DLGAP2: variants seen among roughly 807,000 people sequenced by gnomAD.
DLGAP2 encodes disks large-associated protein 2.
In DLGAP2, 26 loss-of-function variants were observed where a neutral mutation model predicts 100.3. The observed-to-expected ratio is 0.26, with a 90% confidence interval of 0.19 to 0.36. The LOEUF is 0.36. Ranked by LOEUF, DLGAP2 falls within the 10% of genes least tolerant of loss-of-function variation. The pLI is 1.00. For missense variants in DLGAP2, 1,858 were observed against 1,453.2 expected, an observed-to-expected ratio of 1.28 and a Z score of -4.53; for synonymous variants, 886 against 630.1, an observed-to-expected ratio of 1.41 and a Z score of -6.08.
intron 6 of DLGAP2, among the ~76,000 whole-genome samples, chr8:1,617,582 G>T (rs1584999463): frequency 6.6e-6 from 1 of 152,240 alleles, no homozygotes; most frequent in East Asian, 1.9e-4. Context: ...TTGCAAATTT[G>T]TTTAAGTTCC....
chr8:978,725 C>T (rs897914960), intron 2 of DLGAP2, among the ~76,000 whole-genome samples: 90 of 152,120 alleles, frequency 5.9e-4, no homozygotes, highest in Middle Eastern at 3.4e-3. Flanking sequence ...CTTTGCCACG[C>T]GGGCATGTGT....
In DLGAP2 at chr8:1,239,370, G is replaced by A. The variant is rs1483553890; in HGVS notation, c.74-19481G>A. 3.1e-4 allele frequency among the ~76,000 whole-genome samples: 7 copies of A among 22,578 alleles called. 1 individual carries two copies. Among genetic ancestry groups the A allele is most frequent in the Admixed American group, 9.0e-4 (2 of 2,216 alleles). The allele number at this position is 22,578 out of a possible 152,430, so 14.8% of individuals were successfully genotyped here. ...GTGTCTAGTTCTCTCACATGGCGCC[G>A]TGTCTAGTTCTCTCACGTGGTGCCG... On this transcript the variant is annotated intron_variant, in intron 2 of 14. Coordinates refer to ENST00000637795, the MANE Select transcript of DLGAP2 (RefSeq NM_001346810.2).
At position 1,229,861 on chromosome 8, in the gene DLGAP2, A is replaced by T. The variant is rs189140888; in HGVS notation, c.74-28990A>T. ...CCCTCCAGAAACTAGGCATCAAAGG[A>T]ACATACCTCAAAATAATAAGTGCCA... On this transcript the variant is annotated intron_variant, in intron 2 of 14. Coordinates refer to ENST00000637795, the MANE Select transcript of DLGAP2 (RefSeq NM_001346810.2). Among the ~76,000 whole-genome samples the T allele has an allele frequency of 1.0e-3, 157 of 152,264 alleles. 1 individual carries two copies. Among genetic ancestry groups the T allele is most frequent in the Non-Finnish European group, 1.7e-3 (113 of 68,016 alleles).
chr8:1,359,995 C>G (rs1801943296), intron 3 of DLGAP2, among the ~76,000 whole-genome samples: 1 of 152,180 alleles, frequency 6.6e-6, no homozygotes, highest in Non-Finnish European at 1.5e-5. Flanking sequence ...CTCAGCATCG[C>G]CGGTGTTTCA....
intron 3 of DLGAP2, among the ~76,000 whole-genome samples, chr8:1,461,651 A>G (rs1235679035): frequency 3.7e-4 from 14 of 37,750 alleles, no homozygotes; most frequent in Middle Eastern, 0.017. Flanking sequence ...GAAGGGCGGC[A>G]TTTGGGTTGG....
chr8:1,700,908 C>A (rs571684960), intron 14 of DLGAP2, among the ~76,000 whole-genome samples: 1 of 152,230 alleles, frequency 6.6e-6, no homozygotes, highest in African/African-American at 2.4e-5. Context: ...ACGCAAGGTG[C>A]GAATCTGCAG....
intron 2 of DLGAP2, among the ~76,000 whole-genome samples, chr8:1,104,178 G>C (rs1804678524): frequency 6.6e-6 from 1 of 152,198 alleles, no homozygotes; most frequent in African/African-American, 2.4e-5. Flanking sequence ...TGATTCAGGA[G>C]CAAGAACAGC....
chr8:1,668,312 A>T lies in DLGAP2; in HGVS notation c.1811-17A>T, dbSNP rs1441204282. 3 of 1,465,648 alleles carry T rather than the reference A, an allele frequency of 2.0e-6. No individual in the cohort carries two copies. Among genetic ancestry groups the T allele is most frequent in the Non-Finnish European group, 2.7e-6 (3 of 1,106,738 alleles). 90.8% of individuals were successfully genotyped at this position (1,465,648 alleles called of 1,614,324 possible). On this transcript the variant is annotated splice_polypyrimidine_tract_variant and intron_variant, in intron 8 of 14. Coordinates refer to ENST00000637795, the MANE Select transcript of DLGAP2 (RefSeq NM_001346810.2). ...GGAAGAACACGCCTGTTGACTTGGG[A>T]CTTTCTTTTCTTACAGCTGTCTCAT...
chr8:946,417 C>G (rs1799323567), intron 2 of DLGAP2, among the ~76,000 whole-genome samples: 1 of 152,040 alleles, frequency 6.6e-6, no homozygotes, highest in South Asian at 2.1e-4. Context: ...GCGCCCGCCA[C>G]CACGCCCGGC....
At chr8:1,619,027 C>G (rs1229733092) in intron 6 of DLGAP2, among the ~76,000 whole-genome samples, 1 of 152,124 alleles carries the variant, frequency 6.6e-6, no homozygotes. Flanking sequence ...CCGTCAAAAT[C>G]TTTAAATTCT....
At chr8:1,517,275 G>GA (rs112153690) in intron 4 of DLGAP2, among the ~76,000 whole-genome samples, 3 of 152,204 alleles carry the variant, frequency 2.0e-5, no homozygotes, top group African/African-American at 7.2e-5. Flanking sequence ...CAGGAGCTTG[G>GA]AAAAAGGACC....
intron 6 of DLGAP2, among the ~76,000 whole-genome samples, chr8:1,607,966 G>A (rs1322011119): frequency 7.0e-6 from 1 of 142,092 alleles, no homozygotes; most frequent in African/African-American, 2.6e-5. Context: ...CTGGGGGAGG[G>A]GCGCCCGCCA....
chr8:990,246 T>A (rs1190055616), intron 2 of DLGAP2, among the ~76,000 whole-genome samples: 1 of 152,004 alleles, frequency 6.6e-6, no homozygotes. Flanking sequence ...TGTTGCCATG[T>A]GGGTGCCCAA....
chr8:1,072,444 A>G (rs949061363), intron 2 of DLGAP2, among the ~76,000 whole-genome samples: 2 of 152,192 alleles, frequency 1.3e-5, no homozygotes, highest in South Asian at 2.1e-4. Context: ...CAATGTAAGA[A>G]TGTTCTTGGA....
At chr8:891,145 C>G (rs1214448956) in intron 1 of DLGAP2, 1 of 151,940 alleles carries the variant, frequency 6.6e-6, no homozygotes, top group Non-Finnish European at 1.5e-5. Context: ...CCCCCAGTTG[C>G]CAAGGCCAAG....
At chr8:1,217,950 GT>G (rs1280283644) in intron 2 of DLGAP2, among the ~76,000 whole-genome samples, 1 of 152,000 alleles carries the variant, frequency 6.6e-6, no homozygotes, top group Non-Finnish European at 1.5e-5. Flanking sequence ...TAATGGGGTT[GT>G]TTTTTGCTTG....
At chr8:964,469 G>GT (rs1362822065) in intron 2 of DLGAP2, among the ~76,000 whole-genome samples, 4 of 152,244 alleles carry the variant, frequency 2.6e-5, no homozygotes, top group Non-Finnish European at 4.4e-5. Flanking sequence ...AAAGCCTATC[G>GT]TAAGTCAAGA....
At chr8:1,211,099 G>C (rs1563256178) in intron 2 of DLGAP2, among the ~76,000 whole-genome samples, 1 of 152,238 alleles carries the variant, frequency 6.6e-6, no homozygotes, top group Non-Finnish European at 1.5e-5. Context: ...TGTGGTTTGA[G>C]GACGTTTCCA....
intron 3 of DLGAP2, among the ~76,000 whole-genome samples, chr8:1,381,906 G>C (rs1052275806): frequency 1.3e-5 from 2 of 151,170 alleles, no homozygotes; most frequent in African/African-American, 4.9e-5. Flanking sequence ...AATATAAAAT[G>C]TACGTTTCTT....
Sources: gnomAD v4.1 joint callset for allele counts (sites outside exome capture counted in the v4.1 genomes callset) on GRCh38, gnomAD v4.1.1 for gene constraint, MANE v1.5 for transcripts, NCBI Gene and HGNC (gene_info 2026-07-23, HGNC 2026-07-21) for gene names.